Variants in NCBP1 observed in about 807,000 individuals in gnomAD.
NCBP1 encodes nuclear cap-binding protein subunit 1.
A neutral mutation model predicts 111.7 loss-of-function variants in NCBP1; 16 were observed. The observed-to-expected ratio is 0.14, with a 90% CI of 0.10 to 0.22. The LOEUF is 0.22. Ranked by LOEUF, NCBP1 falls within the 10% of genes least tolerant of loss-of-function variation. NCBP1 has a pLI of 1.00. For synonymous variants in NCBP1, 304 were observed against 314.3 expected, an observed-to-expected ratio of 0.97 and a Z score of 0.35; for missense variants, 607 against 957.5, an observed-to-expected ratio of 0.63 and a Z score of 4.83.
intron 2 of NCBP1, among the ~76,000 whole-genome samples, 178 bp from the exon 3 acceptor site, chr9:97,641,384 A>G (rs1371316277): frequency 2.0e-5 from 3 of 152,140 alleles, no homozygotes; most frequent in African/African-American, 7.2e-5. Context: ...TATTTTAATG[A>G]TCATGCAGAA....
In NCBP1 at chr9:97,660,972, C is replaced by G. The variant is rs778478202; in HGVS notation, c.1504C>G (p.Leu502Val). 35 of 1,612,078 alleles carry G rather than the reference C, an allele frequency of 2.2e-5. No homozygotes were observed. The highest frequency in any genetic ancestry group is 8.3e-5 in the Admixed American group (5 of 59,918). The change falls in exon 16 of 23, where the codon CTC becomes GTC. Residue 502 changes from leucine (L) to valine (V), a missense_variant. Transcript: ENST00000375147. The part of the protein sequence containing the change: ...SNSLPGHSVA[L>V]CLAVAFKSKA... ...TTCTCTTCCTGGACATTCTGTTGCC[C>G]TCTGTTTAGCTGTTGCCTTTAAAAG...
chr9:97,636,635 TAC>T (rs1487003349), intron 1 of NCBP1, among the ~76,000 whole-genome samples: 4 of 80,770 alleles, frequency 5.0e-5, no homozygotes, highest in East Asian at 3.2e-4. Context: ...TGGAAAGTAA[TAC>T]ATATATATAT....
chr9:97,660,012 C>G (rs1827786787), intron 15 of NCBP1, among the ~76,000 whole-genome samples: 1 of 152,172 alleles, frequency 6.6e-6, no homozygotes, highest in South Asian at 2.1e-4. Flanking sequence ...AGATTCTAGC[C>G]CAAGCTCAAT....
chr9:97,655,570 C>A, intron 12 of NCBP1, 132 bp from the exon 13 acceptor site: 1 of 612,882 alleles, frequency 1.6e-6, no homozygotes, highest in Non-Finnish European at 2.8e-6. Flanking sequence ...GATACAACTG[C>A]ATGTAGGGGA....
intron 18 of NCBP1, among the ~76,000 whole-genome samples, chr9:97,664,070 T>C (rs1273730637): frequency 6.6e-6 from 1 of 151,924 alleles, no homozygotes; most frequent in Non-Finnish European, 1.5e-5. Flanking sequence ...TCTGAGCTGC[T>C]CAGGAGGTTG....
Position 97,663,009 on chromosome 9 carries a change from C to T in NCBP1, c.1759C>T (p.Leu587=), listed in dbSNP as rs903937280. The change falls in exon 18 of 23, where the codon CTA becomes TTA. Residue 587 remains leucine, a synonymous_variant. Coordinates refer to ENST00000375147, the MANE Select transcript of NCBP1 (RefSeq NM_002486.5). ...AAGTGATGAAGGAAAGTTACATGTG[C>T]TAAGAGTTATGTTTGAGGTCTGGAG... ...AESDEGKLHV[L]RVMFEVWRNH... 6.2e-7 allele frequency: 1 copy of T among 1,612,982 alleles called. No homozygotes were observed. Among genetic ancestry groups the T allele is most frequent in the Admixed American group, 1.7e-5 (1 of 59,740 alleles).
At chr9:97,645,249 C>A in intron 5 of NCBP1, 25 bp downstream of exon 5, 1 of 1,543,778 alleles carries the variant, frequency 6.5e-7, no homozygotes, top group South Asian at 1.1e-5. Flanking sequence ...CATGCTGAAT[C>A]TTGAGGGGTT....
chr9:97,645,846 G>C, intron 6 of NCBP1, 114 bp downstream of exon 6: 1 of 1,283,486 alleles, frequency 7.8e-7, no homozygotes, highest in Non-Finnish European at 1.1e-6. Flanking sequence ...GTATTTTCTA[G>C]GTAATCCTGT....
intron 15 of NCBP1, among the ~76,000 whole-genome samples, chr9:97,660,521 C>T (rs1045370381): frequency 5.9e-5 from 9 of 152,184 alleles, no homozygotes; most frequent in South Asian, 2.1e-4. Flanking sequence ...GACTTCATTT[C>T]CACGGTCCCG....
At chr9:97,645,557 T>C in intron 5 of NCBP1, 54 bp from the exon 6 acceptor site, 1 of 1,527,878 alleles carries the variant, frequency 6.5e-7, no homozygotes, top group Admixed American at 1.7e-5. Context: ...AAATAAAATA[T>C]GAATGAATAT....
intron 4 of NCBP1, among the ~76,000 whole-genome samples, chr9:97,644,106 A>T (rs752428080): frequency 3.3e-5 from 5 of 152,234 alleles, no homozygotes; most frequent in African/African-American, 4.8e-5. Context: ...TACTAATAAT[A>T]CATAGATTAA....
rs1295419659 is a variant in NCBP1 at position 97,672,331 on chromosome 9, T to C, written c.*1132T>C. Reference sequence around the variant, plus strand: ...TAATTTTTTCTTATTACATCCCAAGTTTATGATGCATTAAGCGTTTTGCAT... The same window carrying C: ...TAATTTTTTCTTATTACATCCCAAGCTTATGATGCATTAAGCGTTTTGCAT... On this transcript the variant is annotated 3_prime_UTR_variant, in exon 23 of 23. Coordinates refer to ENST00000375147, the MANE Select transcript of NCBP1 (RefSeq NM_002486.5). The C allele has an allele frequency of 1.3e-5, 2 of 152,160 alleles. No homozygotes were observed. Among genetic ancestry groups the C allele is most frequent in the African/African-American group, 4.8e-5 (2 of 41,434 alleles). The allele number at this position is 152,160 out of a possible 1,614,324, so 9.4% of individuals were successfully genotyped here.
intron 22 of NCBP1, 101 bp downstream of exon 22, chr9:97,669,807 C>G (rs778473538): frequency 1.3e-6 from 1 of 781,928 alleles, no homozygotes; most frequent in Non-Finnish European, 2.2e-6. Flanking sequence ...TTATATAGTA[C>G]CTGTTAGACC....
intron 11 of NCBP1, among the ~76,000 whole-genome samples, 169 bp downstream of exon 11, chr9:97,654,077 C>T (rs546259372): frequency 6.6e-6 from 1 of 151,920 alleles, no homozygotes; most frequent in South Asian, 2.1e-4. Context: ...TACATATGTA[C>T]CTATACATAT....
In NCBP1 at chr9:97,671,866, G is replaced by A. The variant is rs1046063790; in HGVS notation, c.*667G>A. On this transcript the variant is annotated 3_prime_UTR_variant, in exon 23 of 23. Transcript: ENST00000375147. Reference sequence around the variant, plus strand: ...TTGAAATTTAAACCACCGTCTGGGGGTGGAACGCAGACATCCTCAGTAATC... The same window carrying A: ...TTGAAATTTAAACCACCGTCTGGGGATGGAACGCAGACATCCTCAGTAATC... 6.6e-5 allele frequency: 10 copies of A among 152,198 alleles called. No homozygotes were observed. The highest frequency in any genetic ancestry group is 2.4e-4 in the African/African-American group (10 of 41,450). 9.4% of individuals were successfully genotyped at this position (152,198 alleles called of 1,614,324 possible).
chr9:97,664,617 C>T (rs933020484), intron 19 of NCBP1, among the ~76,000 whole-genome samples, 174 bp downstream of exon 19: 1 of 152,142 alleles, frequency 6.6e-6, no homozygotes, highest in Admixed American at 6.5e-5. Flanking sequence ...CATACACAGC[C>T]TATCAGGTTG....
At chr9:97,657,906 C>CTCTCTA (rs375160579) in intron 14 of NCBP1, among the ~76,000 whole-genome samples, 29 of 127,480 alleles carry the variant, frequency 2.3e-4, no homozygotes, top group African/African-American at 8.0e-4. Context: ...CTCTCTCTCT[C>CTCTCTA]TATATATATA....
intron 11 of NCBP1, among the ~76,000 whole-genome samples, chr9:97,654,353 A>G (rs1268296017): frequency 6.6e-6 from 1 of 152,216 alleles, no homozygotes; most frequent in African/African-American, 2.4e-5. Context: ...AGTTGATTCC[A>G]TCTCAAAAAA....
At chr9:97,665,637 T>C (rs560792284) in intron 19 of NCBP1, among the ~76,000 whole-genome samples, 4 of 152,222 alleles carry the variant, frequency 2.6e-5, no homozygotes, top group Non-Finnish European at 5.9e-5. Context: ...ACTTGGAGTT[T>C]TATGAACAGA....
Sources: allele counts gnomAD v4.1 joint callset (sites outside exome capture counted in the v4.1 genomes callset), GRCh38; gene constraint gnomAD v4.1.1; transcripts MANE v1.5; gene names NCBI Gene and HGNC (gene_info 2026-07-23, HGNC 2026-07-21).